The following NRXN3 variants were observed in gnomAD, a reference collection of about 807,000 sequenced individuals.
NRXN3 encodes neurexin 3, also known as neurexin III.
In NRXN3, 32 loss-of-function variants were observed where a neutral mutation model predicts 137.6. The observed-to-expected ratio is 0.23, with a 90% CI of 0.18 to 0.31. NRXN3 has a LOEUF of 0.31. NRXN3 is among the 10% of genes least tolerant of loss of function. The pLI, the probability that NRXN3 is intolerant of heterozygous loss-of-function variation, is 1.00. For missense variants in NRXN3, 1,574 were observed against 2,062.5 expected (o/e 0.76, Z 4.59); for synonymous variants, 798 against 784.5 (o/e 1.02, Z -0.29).
At chr14:79,786,142 G>T (rs2140196169) in intron 19 of NRXN3, among the ~76,000 whole-genome samples, 1 of 152,210 alleles carries the variant, frequency 6.6e-6, no homozygotes, top group Non-Finnish European at 1.5e-5. Context: ...ACCCTTGCTA[G>T]TATCATTGTT....
chr14:79,153,836 A>T (rs2060013573), intron 15 of NRXN3, among the ~76,000 whole-genome samples: 1 of 151,904 alleles, frequency 6.6e-6, no homozygotes, highest in Non-Finnish European at 1.5e-5. Context: ...CTTGGTAGGA[A>T]CCCAGAAGAG....
chr14:78,649,261 C>A, intron 5 of NRXN3: 1 of 1,343,052 alleles, frequency 7.4e-7, no homozygotes, highest in East Asian at 4.7e-5. Context: ...CCCCCTTCTC[C>A]GCAAAGCACT....
intron 1 of NRXN3, among the ~76,000 whole-genome samples, chr14:78,199,343 T>G (rs1044814560): frequency 1.3e-5 from 2 of 152,020 alleles, no homozygotes; most frequent in Admixed American, 6.5e-5. Flanking sequence ...CTTAGACACA[T>G]GGCACTTTGA....
chr14:78,680,685 A>T (rs1328018940), intron 6 of NRXN3, among the ~76,000 whole-genome samples: 1 of 152,186 alleles, frequency 6.6e-6, no homozygotes, highest in Non-Finnish European at 1.5e-5. Flanking sequence ...CAACTGGAAC[A>T]AACAACTCAA....
chr14:79,385,793 G>C (rs888961614), intron 15 of NRXN3, among the ~76,000 whole-genome samples: 12 of 152,084 alleles, frequency 7.9e-5, no homozygotes, highest in African/African-American at 2.9e-4. Flanking sequence ...ATGCAAGGCT[G>C]GTTAAACATA....
intron 10 of NRXN3, among the ~76,000 whole-genome samples, chr14:78,869,382 G>A (rs2099095818): frequency 1.3e-5 from 2 of 151,882 alleles, no homozygotes; most frequent in Admixed American, 6.6e-5. Flanking sequence ...CCATCATCCA[G>A]ATTATTTAAA....
At chr14:78,615,527 C>T (rs892443758) in intron 4 of NRXN3, among the ~76,000 whole-genome samples, 7 of 151,614 alleles carry the variant, frequency 4.6e-5, no homozygotes, top group South Asian at 4.2e-4. Flanking sequence ...AGGAGAATGG[C>T]GTGAACCCGG....
intron 19 of NRXN3, among the ~76,000 whole-genome samples, chr14:79,752,489 T>C (rs1334826403): frequency 6.6e-6 from 1 of 152,190 alleles, no homozygotes; most frequent in African/African-American, 2.4e-5. Context: ...ATTTAATAAA[T>C]GGTGCTGGGA....
chr14:78,496,728 TAGG>T (rs1405759841), intron 4 of NRXN3, among the ~76,000 whole-genome samples: 1 of 151,698 alleles, frequency 6.6e-6, no homozygotes, highest in East Asian at 1.9e-4. Context: ...AGGTGCTGAG[TAGG>T]AGGATAGGTG....
chr14:79,517,108 C>T (rs554081913), intron 16 of NRXN3, among the ~76,000 whole-genome samples: 15 of 134,288 alleles, frequency 1.1e-4, no homozygotes, highest in Admixed American at 5.6e-4. Context: ...CCCCCCTCAA[C>T]GAATGGGAGC....
chr14:79,425,799 T>G (rs573793886), intron 15 of NRXN3, among the ~76,000 whole-genome samples: 3 of 152,170 alleles, frequency 2.0e-5, no homozygotes. Flanking sequence ...AGAAACACGG[T>G]CTGTCCAGAG....
chr14:79,699,127 T>G (rs1238927050), intron 19 of NRXN3, among the ~76,000 whole-genome samples: 1 of 151,960 alleles, frequency 6.6e-6, no homozygotes, highest in Non-Finnish European at 1.5e-5. Flanking sequence ...TCTAAAAACC[T>G]GGTTAGCATA....
intron 15 of NRXN3, among the ~76,000 whole-genome samples, chr14:79,459,053 G>A (rs1276453197): frequency 6.6e-6 from 1 of 150,574 alleles, no homozygotes; most frequent in Non-Finnish European, 1.5e-5. Flanking sequence ...GGTAAATGGT[G>A]AGAATATTAG....
At chr14:78,718,638 T>G (rs745903525) in intron 8 of NRXN3, among the ~76,000 whole-genome samples, 1 of 152,240 alleles carries the variant, frequency 6.6e-6, no homozygotes, top group African/African-American at 2.4e-5. Context: ...TAAGAGTGCT[T>G]CTTCTGCCTG....
At chr14:78,766,829 T>C (rs2098710674) in intron 8 of NRXN3, among the ~76,000 whole-genome samples, 1 of 152,158 alleles carries the variant, frequency 6.6e-6, no homozygotes, top group South Asian at 2.1e-4. Context: ...GCAGAATTCT[T>C]AAACTCTCAC....
chr14:79,295,295 G>A (rs893163164), intron 15 of NRXN3, among the ~76,000 whole-genome samples: 8 of 151,374 alleles, frequency 5.3e-5, no homozygotes, highest in Non-Finnish European at 8.8e-5. Context: ...CTTCTTATAC[G>A]TCAGGCTTCA....
intron 4 of NRXN3, among the ~76,000 whole-genome samples, chr14:78,485,741 G>T (rs1375882066): frequency 6.6e-6 from 1 of 151,984 alleles, no homozygotes; most frequent in Non-Finnish European, 1.5e-5. Context: ...ATGTTTCAAA[G>T]TTCTTAGATT....
chr14:78,548,618 G>A lies in NRXN3; in HGVS notation c.758-96502G>A, dbSNP rs141600407. Among the ~76,000 whole-genome samples the A allele has an allele frequency of 3.7e-3, 561 of 152,136 alleles. 3 individuals carry two copies. The highest frequency in any genetic ancestry group is 0.013 in the African/African-American group (533 of 41,502). On this transcript the variant is annotated intron_variant, in intron 4 of 20. Transcript: ENST00000335750. ...TAGAATCCTTCCCAAACCCTTTTCC[G>A]TTGCCCCCTCCCTTTTTACCTGTTC...
At chr14:78,722,152 G>A (rs564006834) in intron 8 of NRXN3, among the ~76,000 whole-genome samples, 79 of 152,186 alleles carry the variant, frequency 5.2e-4, no homozygotes, top group African/African-American at 1.8e-3. Context: ...TGAAGGTTTC[G>A]AGGTCTAAGA....
Sources: allele counts gnomAD v4.1 joint callset (sites outside exome capture counted in the v4.1 genomes callset), GRCh38; gene constraint gnomAD v4.1.1; transcripts MANE v1.5; gene names NCBI Gene and HGNC (gene_info 2026-07-23, HGNC 2026-07-21).